Variants in CAPN12 observed in about 807,000 individuals in gnomAD.
CAPN12 encodes the protein calpain-12.
Under a neutral mutation model 95.0 loss-of-function variants are expected in CAPN12, and 107 were observed. The ratio of observed to expected loss-of-function variants is 1.13; its 90% CI spans 0.96 to 1.32. The LOEUF is 1.32. Among genes scored for constraint, CAPN12 ranks in the 40% most tolerant of loss-of-function variants. The pLI is 0.00. For synonymous variants in CAPN12, 505 were observed against 415.5 expected (o/e 1.22, Z -2.62); for missense variants, 1,136 against 997.8 (o/e 1.14, Z -1.87).
rs1163980990 is a variant in CAPN12, at chr19:38,738,646, ACT to A, written c.730_731del (p.Ser244Ter). On this transcript the variant is annotated frameshift_variant and splice_region_variant, in exon 6 of 21. Transcript: ENST00000328867. LOFTEE classifies it high-confidence loss of function. ...CTTCTGTGCGGTACTCACCCCGATC[ACT>A]CTGGGCAGGGGATGGGATGGTGAGG... ...KESLVGATAL[S>X]DRGEYRTEEG... is the part of the protein sequence containing the mutation. The A allele has an allele frequency of 1.2e-6, 2 of 1,613,210 alleles. No homozygotes were observed. Among genetic ancestry groups the A allele is most frequent in the Admixed American group, 1.7e-5 (1 of 59,986 alleles).
chr19:38,738,788 G>A, intron 5 of CAPN12, 140 bp from the exon 6 acceptor site: 2 of 701,814 alleles, frequency 2.8e-6, no homozygotes, highest in Non-Finnish European at 4.9e-6. Flanking sequence ...GACCATGTCA[G>A]GGTTAGTGAC....
Position 38,730,748 on chromosome 19 carries a change from C to A in CAPN12, c.*104G>T. On this transcript the variant is annotated 3_prime_UTR_variant, in exon 21 of 21. Transcript: ENST00000328867. ...GTGAGGGCCAGAGACTAGCCCCAGA[C>A]AGGTGGATGCCAGAGAGAGTGGCAC... 7.1e-7 allele frequency: 1 copy of A among 1,410,776 alleles called. No individual in the cohort carries two copies. The allele number at this position is 1,410,776 out of a possible 1,614,324, so 87.4% of individuals were successfully genotyped here.
chr19:38,732,655 C>T (rs1969712057), intron 18 of CAPN12, among the ~76,000 whole-genome samples: 1 of 152,168 alleles, frequency 6.6e-6, no homozygotes, highest in African/African-American at 2.4e-5. Flanking sequence ...CTTTTGGACA[C>T]TTGACCACCT....
At chr19:38,733,464 A>G (rs1376355895) in intron 18 of CAPN12, 3 of 505,360 alleles carry the variant, frequency 5.9e-6, no homozygotes, top group Admixed American at 3.6e-5. Flanking sequence ...CAGAACCCCT[A>G]CCAGGCACAT....
At position 38,735,394 on chromosome 19, in the gene CAPN12, C is replaced by A; in HGVS notation, c.1662G>T (p.Gln554His). ...CCTCTCCAGCCAGCTCCTGAAACAG[C>A]TGCTCCAACCCCAGCTCCAGGGGCA... ...PYLPLELGLE[Q>H]LFQELAGEEE... Residue 554 changes from glutamine (Q) to histidine (H), a missense_variant, in exon 14 of 21, where the codon CAG (glutamine) becomes CAT (histidine). Coordinates refer to ENST00000328867, the MANE Select transcript of CAPN12 (RefSeq NM_144691.4). 2 of 1,606,462 alleles carry A rather than the reference C, an allele frequency of 1.2e-6. No homozygotes were observed. The highest frequency in any genetic ancestry group is 2.2e-5 in the South Asian group (2 of 90,380).
At chr19:38,731,267 C>T (rs1264701132) in intron 18 of CAPN12, 44 bp from the exon 19 acceptor site, 3 of 1,520,492 alleles carry the variant, frequency 2.0e-6, no homozygotes, top group Non-Finnish European at 2.7e-6. Flanking sequence ...ACAGGGAACC[C>T]ACCTTGGCAT....
At chr19:38,736,764 A>T in intron 10 of CAPN12, 4 of 608,806 alleles carry the variant, frequency 6.6e-6, no homozygotes, top group Non-Finnish European at 1.1e-5. Flanking sequence ...CTGCGCTCCC[A>T]GCGCCTTCTC....
Position 38,730,685 on chromosome 19 carries a change from GGAGTACGCAGGCCA to G in CAPN12, c.*153_*166del. ...TGTCGCTGTTCTTGTTTCTGAGTGA[GGAGTACGCAGGCCA>G]GAGTGGTCACCCGGCCGTGAGCAGT... is the stretch of plus-strand genomic sequence containing the variant. On this transcript the variant is annotated 3_prime_UTR_variant, in exon 21 of 21. Transcript: ENST00000328867. 2.7e-6 allele frequency: 2 copies of G among 731,200 alleles called. No individual in the cohort carries two copies. The highest frequency in any genetic ancestry group is 4.6e-6 in the Non-Finnish European group (2 of 439,252). The allele number at this position is 731,200 out of a possible 1,614,324, so 45.3% of individuals were successfully genotyped here. A position where few individuals can be genotyped will look rare whatever the true frequency, so the allele number is the denominator to read the frequency against.
chr19:38,736,344 G>A (rs1417001240), intron 11 of CAPN12, 26 bp from the exon 12 acceptor site: 1 of 1,460,844 alleles, frequency 6.8e-7, no homozygotes, highest in Non-Finnish European at 9.1e-7. Flanking sequence ...CATGACCACG[G>A]ACCAGGCTCA....
rs758957246 is a variant in CAPN12 at position 38,741,875 on chromosome 19, C to T, written c.462G>A (p.Val154=). Residue 154 remains valine, a synonymous_variant, in exon 4 of 21, where the codon GTG becomes GTA. Coordinates refer to ENST00000328867, the MANE Select transcript of CAPN12 (RefSeq NM_144691.4). The part of the protein sequence containing the change: ...WQFGRWMDVV[V]DDRLPVREGK... ...CCTCACGCACGGGCAGCCTGTCATC[C>T]ACCACGACGTCCATCCAGCGGCCAA... 5.0e-6 allele frequency: 8 copies of T among 1,613,944 alleles called. No homozygotes were observed. In the African/African-American group the frequency reaches 9.3e-5, roughly 19 times the overall value.
At position 38,744,315 on chromosome 19, in the gene CAPN12, G is replaced by A. The variant is rs1456482591; in HGVS notation, c.-150C>T. On this transcript the variant is annotated 5_prime_UTR_variant, in exon 1 of 21. Transcript: ENST00000328867. ...TTAATTGATGGTTTGGGGTGCTGGG[G>A]AGCAGGGACGCCTCTTCAGTAGCTT... The A allele has an allele frequency of 5.4e-6, 4 of 741,520 alleles. No individual in the cohort carries two copies. Among genetic ancestry groups the A allele is most frequent in the South Asian group, 1.7e-5 (1 of 58,012 alleles). The allele number at this position is 741,520 out of a possible 1,614,324, so 45.9% of individuals were successfully genotyped here.
Position 38,736,093 on chromosome 19 carries a change from G to A in CAPN12, c.1583+17C>T. 2 of 1,480,970 alleles carry A rather than the reference G, an allele frequency of 1.4e-6. No homozygotes were observed. The highest frequency in any genetic ancestry group is 1.8e-6 in the Non-Finnish European group (2 of 1,118,028). The allele number at this position is 1,480,970 out of a possible 1,614,324, so 91.7% of individuals were successfully genotyped here. Reference sequence around the variant, plus strand: ...TCTAGGCAGGGATGGGGTCGGATTTGGGTGCCCGGGGCTCACACGGCCGTG... The same window carrying A: ...TCTAGGCAGGGATGGGGTCGGATTTAGGTGCCCGGGGCTCACACGGCCGTG... On this transcript the variant is annotated intron_variant, in intron 12 of 20. Coordinates refer to ENST00000328867, the MANE Select transcript of CAPN12 (RefSeq NM_144691.4).
chr19:38,732,425 G>A (rs1227520248), intron 18 of CAPN12, among the ~76,000 whole-genome samples: 5 of 152,076 alleles, frequency 3.3e-5, no homozygotes, highest in African/African-American at 7.2e-5. Flanking sequence ...TCCACCTCCC[G>A]GGTTCAAGAG....
Position 38,744,001 on chromosome 19 carries a change from AGG to A in CAPN12, c.163_164del (p.Pro55Ter). The A allele has an allele frequency of 1.9e-6, 3 of 1,614,224 alleles. No homozygotes were observed. In the Middle Eastern group the frequency reaches 4.9e-4, roughly 266 times the overall value. ...LFRDPYFPAG[P>X]DALGYDQLGP... ...CCAGCTGGTCATAGCCAAGGGCATC[AGG>A]GCCAGCAGGGAAGTAAGGGTCGCGG... On this transcript the variant is annotated frameshift_variant, in exon 1 of 21. Transcript: ENST00000328867. LOFTEE classifies it high-confidence loss of function.
chr19:38,742,283 T>C, intron 3 of CAPN12, 127 bp downstream of exon 3: 1 of 756,686 alleles, frequency 1.3e-6, no homozygotes, highest in East Asian at 2.6e-5. Flanking sequence ...GAGCCGAGAT[T>C]GTGCCACTGC....
At position 38,736,231 on chromosome 19, in the gene CAPN12, CGCGGCGGGCGCTGAGGGGCGA is replaced by C. The variant is rs750190605; in HGVS notation, c.1441_1461del (p.Ser481_Arg487del). On this transcript the variant is annotated inframe_deletion, in exon 12 of 21. Coordinates refer to ENST00000328867, the MANE Select transcript of CAPN12 (RefSeq NM_144691.4). ...CGCAGGCAGCAGCGGCGGGTCACGT[CGCGGCGGGCGCTGAGGGGCGA>C]GCGGTCGGCGCGCAGCAGCCGGGGC... The C allele has an allele frequency of 3.3e-6, 5 of 1,493,352 alleles. No individual in the cohort carries two copies. The Admixed American group carries it at 1.1e-4, about 33-fold the overall frequency. 92.5% of individuals were successfully genotyped at this position (1,493,352 alleles called of 1,614,324 possible).
intron 8 of CAPN12, 99 bp from the exon 9 acceptor site, chr19:38,737,737 A>G (rs1342183494): frequency 7.3e-7 from 1 of 1,369,396 alleles, no homozygotes; most frequent in Non-Finnish European, 9.7e-7. Context: ...CACATTTCTT[A>G]AATATTGTCA....
intron 18 of CAPN12, 95 bp from the exon 19 acceptor site, chr19:38,731,318 A>C (rs973454204): frequency 1.1e-6 from 1 of 896,446 alleles, no homozygotes; most frequent in African/African-American, 1.6e-5. Context: ...CATGAATGCC[A>C]CAGGGTGTCA....
chr19:38,732,683 C>T (rs946123854), intron 18 of CAPN12, among the ~76,000 whole-genome samples: 8 of 152,168 alleles, frequency 5.3e-5, no homozygotes, highest in Non-Finnish European at 8.8e-5. Flanking sequence ...GTCTCACACT[C>T]ACAGCCACAC....
Sources: allele counts gnomAD v4.1 joint callset (sites outside exome capture counted in the v4.1 genomes callset), GRCh38; gene constraint gnomAD v4.1.1; transcripts MANE v1.5; gene names NCBI Gene and HGNC (gene_info 2026-07-23, HGNC 2026-07-21).